Variants in SIPA1 observed in about 807,000 individuals in gnomAD.
The protein encoded by SIPA1 is signal-induced proliferation-associated protein 1.
In SIPA1, 51 loss-of-function variants were observed where a neutral mutation model predicts 88.1. That is an observed-to-expected ratio of 0.58 (90% CI 0.46 to 0.73). The LOEUF (loss-of-function observed/expected upper bound fraction) is 0.73. Ranked by LOEUF, SIPA1 falls within the 30% of genes least tolerant of loss-of-function variation. SIPA1 has a pLI of 0.00. For missense variants in SIPA1, 1,348 were observed against 1,467.6 expected (o/e 0.92, Z 1.33); for synonymous variants, 681 against 664.8 (o/e 1.02, Z -0.37).
rs1856033039 is a variant in SIPA1, at chr11:65,642,710, A to G, written c.984+71A>G. Reference sequence around the variant, plus strand: ...TCTGAACCCAGCCTGCCCAGCTCCCAAACCCCTAGCCTTGACCCTGATCCT... The same window carrying G: ...TCTGAACCCAGCCTGCCCAGCTCCCGAACCCCTAGCCTTGACCCTGATCCT... On this transcript the variant is annotated intron_variant, in intron 4 of 15. Coordinates refer to ENST00000534313, the MANE Select transcript of SIPA1 (RefSeq NM_006747.4). The surrounding 1 kb of genome is among the most constrained non-coding windows in gnomAD (Gnocchi z 6.5). 1 of 1,381,264 alleles carries G rather than the reference A, an allele frequency of 7.2e-7. No homozygotes were observed. Among genetic ancestry groups the G allele is most frequent in the African/African-American group, 1.5e-5 (1 of 68,844 alleles). The allele number at this position is 1,381,264 out of a possible 1,614,324, so 85.6% of individuals were successfully genotyped here. A position where few individuals can be genotyped will look rare whatever the true frequency, so the allele number is the denominator to read the frequency against.
chr11:65,645,534 G>C (rs1856094343), intron 5 of SIPA1, among the ~76,000 whole-genome samples: 1 of 152,208 alleles, frequency 6.6e-6, no homozygotes, highest in East Asian at 1.9e-4. Context: ...GGCCTGGAGT[G>C]ACACCTGTCC....
Position 65,649,525 on chromosome 11 carries a change from C to T in SIPA1, c.2526-36C>T, listed in dbSNP as rs372093111. The T allele has an allele frequency of 2.9e-5, 47 of 1,613,754 alleles. No individual in the cohort carries two copies. The Middle Eastern group carries it at 4.9e-4, about 17-fold the overall frequency. ...CCTCTCCTCCAGGCCTCTGGGAAAG[C>T]GGCTTCCCTTTCTGAGCCACCCCTG... is the stretch of plus-strand genomic sequence containing the variant. On this transcript the variant is annotated intron_variant, in intron 10 of 15. Transcript: ENST00000534313.
chr11:65,642,306 C>A lies in SIPA1; in HGVS notation c.736C>A (p.Arg246=). ...GCTGGGCCCGGTGGCAGTGAGCCTG[C>A]GGCGGGAGGAGAAGGAGGGCAGCGG... is the stretch of plus-strand genomic sequence containing the variant. ...ESLGPVAVSL[R]REEKEGSGGG... is the part of the protein sequence containing the mutation. The change falls in exon 3 of 16, where the codon CGG becomes AGG. Residue 246 remains arginine (R), a synonymous_variant. Transcript: ENST00000534313. The surrounding 1 kb of genome is among the most constrained non-coding windows in gnomAD (Gnocchi z 6.5). 6.5e-7 allele frequency: 1 copy of A among 1,548,450 alleles called. No individual in the cohort carries two copies.
chr11:65,650,131 C>A lies in SIPA1; in HGVS notation c.2849-7C>A, dbSNP rs1856233330. On this transcript the variant is annotated splice_region_variant and splice_polypyrimidine_tract_variant and intron_variant, in intron 13 of 15. Coordinates refer to ENST00000534313, the MANE Select transcript of SIPA1 (RefSeq NM_006747.4). ...GACCTGCCCACCTGATCCCTTTGTC[C>A]CCACAGGACAGCCCATCCCAGAGAG... 3 of 1,613,886 alleles carry A rather than the reference C, an allele frequency of 1.9e-6. No homozygotes were observed. Among genetic ancestry groups the A allele is most frequent in the Admixed American group, 3.3e-5 (2 of 59,996 alleles).
At chr11:65,639,030 A>C (rs1440383762) in intron 1 of SIPA1, 1 of 152,400 alleles carries the variant, frequency 6.6e-6, no homozygotes, top group Non-Finnish European at 1.5e-5. Flanking sequence ...CGTCACACAC[A>C]CACATAGCTA....
chr11:65,650,349 G>A (rs1194070651), intron 14 of SIPA1, 52 bp from the exon 15 acceptor site: 17 of 1,588,958 alleles, frequency 1.1e-5, no homozygotes, highest in East Asian at 2.2e-5. Flanking sequence ...GAGTCAGCTG[G>A]TGCACTGCCC....
chr11:65,642,686 CTG>C lies in SIPA1; in HGVS notation c.984+48_984+49del, dbSNP rs1856032435. 1 of 1,458,472 alleles carries C rather than the reference CTG, an allele frequency of 6.9e-7. No individual in the cohort carries two copies. Among genetic ancestry groups the C allele is most frequent in the Non-Finnish European group, 9.1e-7 (1 of 1,100,836 alleles). 90.3% of individuals were successfully genotyped at this position (1,458,472 alleles called of 1,614,324 possible). On this transcript the variant is annotated intron_variant, in intron 4 of 15. Coordinates refer to ENST00000534313, the MANE Select transcript of SIPA1 (RefSeq NM_006747.4). This position sits in a 1 kb window ranked among gnomAD's most constrained non-coding sequence, Gnocchi z 6.5. ...CCCCAGCCATACAGCTGGCCCCAGT[CTG>C]AACCCAGCCTGCCCAGCTCCCAAAC...
rs749979597 is a variant in SIPA1 at position 65,649,482 on chromosome 11, T to C, written c.2525+2T>C. 12 of 1,613,306 alleles carry C rather than the reference T, an allele frequency of 7.4e-6. No individual in the cohort carries two copies. The highest frequency in any genetic ancestry group is 9.3e-6 in the Non-Finnish European group (11 of 1,179,590). On this transcript the variant is annotated splice_donor_variant, in intron 10 of 15. Coordinates refer to ENST00000534313, the MANE Select transcript of SIPA1 (RefSeq NM_006747.4). LOFTEE classifies it high-confidence loss of function. ...CCAGAACTCGCTGTCACCACGCAGG[T>C]GCACACTCTTGGCCTTCCCTCTCCT...
Position 65,643,636 on chromosome 11 carries a change from C to T in SIPA1, c.984+997C>T, listed in dbSNP as rs563443388. Among the ~76,000 whole-genome samples the T allele has an allele frequency of 2.0e-5, 3 of 152,284 alleles. No individual in the cohort carries two copies. The East Asian group carries it at 5.8e-4, about 29-fold the overall frequency. Reference sequence around the variant, plus strand: ...GGAATGTTGAGGGCTGCCTGGGCCACGACGGTAGTGATGAGAGCCCTTCCT... The same window carrying T: ...GGAATGTTGAGGGCTGCCTGGGCCATGACGGTAGTGATGAGAGCCCTTCCT... On this transcript the variant is annotated intron_variant, in intron 4 of 15. Coordinates refer to ENST00000534313, the MANE Select transcript of SIPA1 (RefSeq NM_006747.4).
Position 65,645,864 on chromosome 11 carries a change from A to C in SIPA1, c.1170A>C (p.Thr390=). The change falls in exon 6 of 16, where the codon ACA becomes ACC. Residue 390 remains threonine (T), a synonymous_variant. Transcript: ENST00000534313. ...ACTTCCTGGCCACAGCGGATTCCACAGGCACGCACTCCCTCTACACCACAT... is the reference window on the plus strand; with the variant it reads ...ACTTCCTGGCCACAGCGGATTCCACCGGCACGCACTCCCTCTACACCACAT... ...RAQLDTKTDS[T]GTHSLYTTYQ... 6.2e-7 allele frequency: 1 copy of C among 1,607,470 alleles called. No individual in the cohort carries two copies. The highest frequency in any genetic ancestry group is 8.5e-7 in the Non-Finnish European group (1 of 1,176,154).
rs1224154140 is a variant in SIPA1 at position 65,645,611 on chromosome 11, A to T, written c.1160-243A>T. 3.3e-5 allele frequency among the ~76,000 whole-genome samples: 5 copies of T among 150,752 alleles called. No homozygotes were observed. The East Asian group carries it at 9.8e-4, about 29-fold the overall frequency. On this transcript the variant is annotated intron_variant, in intron 5 of 15. Transcript: ENST00000534313. Reference sequence around the variant, plus strand: ...TCATTTCTGTCTTCATTCTATTTCAACTCTCCCATCCTGACCCCCCTTCAC... The same window carrying T: ...TCATTTCTGTCTTCATTCTATTTCATCTCTCCCATCCTGACCCCCCTTCAC...
Position 65,650,823 on chromosome 11 carries a change from C to A in SIPA1, c.*108C>A. On this transcript the variant is annotated 3_prime_UTR_variant, in exon 16 of 16. Coordinates refer to ENST00000534313, the MANE Select transcript of SIPA1 (RefSeq NM_006747.4). ...TCTTAGCACTGCCCCCCTCCCTAGCCCCTTATTTGGTGGCGGAAGTGGCCT... is the reference window on the plus strand; with the variant it reads ...TCTTAGCACTGCCCCCCTCCCTAGCACCTTATTTGGTGGCGGAAGTGGCCT... 1.6e-6 allele frequency: 2 copies of A among 1,255,974 alleles called. No individual in the cohort carries two copies. Among genetic ancestry groups the A allele is most frequent in the South Asian group, 1.6e-5 (1 of 62,068 alleles). 77.8% of individuals were successfully genotyped at this position (1,255,974 alleles called of 1,614,324 possible).
Position 65,638,164 on chromosome 11 carries a change from C to CT in SIPA1, c.-109dup, listed in dbSNP as rs1194187946. 1 of 152,380 alleles carries CT rather than the reference C, an allele frequency of 6.6e-6. No homozygotes were observed. The highest frequency in any genetic ancestry group is 1.5e-5 in the Non-Finnish European group (1 of 68,116). The allele number at this position is 152,380 out of a possible 1,614,324, so 9.4% of individuals were successfully genotyped here. A position where few individuals can be genotyped will look rare whatever the true frequency, so the allele number is the denominator to read the frequency against. On this transcript the variant is annotated 5_prime_UTR_variant, in exon 1 of 16. Coordinates refer to ENST00000534313, the MANE Select transcript of SIPA1 (RefSeq NM_006747.4). ...GGGACCCCAGCGCGGGCGGCGGCGG[C>CT]TGGGCGGGAGCCCCAGAGGTACTGG...
At chr11:65,650,081 T>G in intron 13 of SIPA1, 30 bp downstream of exon 13, 1 of 1,612,856 alleles carries the variant, frequency 6.2e-7, no homozygotes, top group South Asian at 1.1e-5. Flanking sequence ...GCGGTAAGCC[T>G]GGGCAGTGCT....
chr11:65,646,186 G>A lies in SIPA1; in HGVS notation c.1264-35G>A. 1 of 1,608,754 alleles carries A rather than the reference G, an allele frequency of 6.2e-7. No individual in the cohort carries two copies. Among genetic ancestry groups the A allele is most frequent in the Non-Finnish European group, 8.5e-7 (1 of 1,177,390 alleles). On this transcript the variant is annotated intron_variant, in intron 6 of 15. Coordinates refer to ENST00000534313, the MANE Select transcript of SIPA1 (RefSeq NM_006747.4). This position sits in a 1 kb window ranked among gnomAD's most constrained non-coding sequence, Gnocchi z 7.5. The stretch of plus-strand genomic sequence containing the variant: ...ATGAGGAGGGGTTTGGGGCACAGAA[G>A]ACCTCATCACGAGCCCCTACTATCC...
chr11:65,649,951 C>A lies in SIPA1; in HGVS notation c.2748C>A (p.Ile916=), dbSNP rs1383262519. 3 of 1,613,872 alleles carry A rather than the reference C, an allele frequency of 1.9e-6. No homozygotes were observed. In the South Asian group the frequency reaches 3.3e-5, roughly 18 times the overall value. ...TLSLRNSISR[I]MSEAGSGTLE... is the part of the protein sequence containing the mutation. ...TCAGCCTGCTCCTTGTGCCCACAGT[C>A]ATGTCGGAGGCGGGCAGTGGGACCC... Residue 916 remains isoleucine (I), a splice_region_variant and synonymous_variant, in exon 13 of 16, where the codon ATC becomes ATA. Coordinates refer to ENST00000534313, the MANE Select transcript of SIPA1 (RefSeq NM_006747.4).
chr11:65,650,859 CCT>C lies in SIPA1; in HGVS notation c.*145_*146del. On this transcript the variant is annotated 3_prime_UTR_variant, in exon 16 of 16. Coordinates refer to ENST00000534313, the MANE Select transcript of SIPA1 (RefSeq NM_006747.4). ...TGGCGGAAGTGGCCTCCACCCCTTC[CCT>C]GTTTGTAAATATTCTGTGGAGAAAA... is the stretch of plus-strand genomic sequence containing the variant. 3.5e-6 allele frequency: 3 copies of C among 846,542 alleles called. No individual in the cohort carries two copies. Among genetic ancestry groups the C allele is most frequent in the African/African-American group, 1.7e-5 (1 of 58,624 alleles). 52.4% of individuals were successfully genotyped at this position (846,542 alleles called of 1,614,324 possible). A position where few individuals can be genotyped will look rare whatever the true frequency, so the allele number is the denominator to read the frequency against.
At chr11:65,643,446 G>A (rs1463235934) in intron 4 of SIPA1, among the ~76,000 whole-genome samples, 1 of 152,202 alleles carries the variant, frequency 6.6e-6, no homozygotes, top group East Asian at 1.9e-4. Context: ...CAACCCATCA[G>A]TCATTCAACA....
chr11:65,647,874 CTTTT>C (rs375391783), intron 9 of SIPA1, among the ~76,000 whole-genome samples: 2 of 143,974 alleles, frequency 1.4e-5, no homozygotes, highest in African/African-American at 2.5e-5. Flanking sequence ...TCTCCTCTCT[CTTTT>C]TTTTTTTTTT....
Sources: gnomAD v4.1 joint callset for allele counts (sites outside exome capture counted in the v4.1 genomes callset) on GRCh38, gnomAD v4.1.1 for gene constraint, Gnocchi (gnomAD v3.1) non-coding constraint, MANE v1.5 for transcripts, NCBI Gene and HGNC (gene_info 2026-07-23, HGNC 2026-07-21) for gene names.